MPP4: variants seen among roughly 807,000 people sequenced by gnomAD.
MPP4 encodes MAGUK p55 subfamily member 4.
A neutral mutation model predicts 98.3 loss-of-function variants in MPP4; 91 were observed. The observed-to-expected ratio is 0.93, with a 90% CI of 0.78 to 1.10. MPP4 has a LOEUF of 1.10. MPP4 is among the 50% of genes least tolerant of loss of function. The pLI, the probability that MPP4 is intolerant of heterozygous loss-of-function variation, is 0.00. For synonymous variants in MPP4, 261 were observed against 271.8 expected, an observed-to-expected ratio of 0.96 and a Z score of 0.39; for missense variants, 744 against 792.9, an observed-to-expected ratio of 0.94 and a Z score of 0.74.
Position 201,649,169 on chromosome 2 carries a change from C to T in MPP4, c.1584+407G>A, listed in dbSNP as rs147390076. The stretch of plus-strand genomic sequence containing the variant: ...TACGGATTGCATGCTGTTTATCTTA[C>T]CTTAACTTGCTCACCCCTGCTCCAT... On this transcript the variant is annotated intron_variant, in intron 20 of 21. Transcript: ENST00000409474. 2.4e-3 allele frequency among the ~76,000 whole-genome samples: 358 copies of T among 152,202 alleles called. 3 individuals carry two copies. In the South Asian group the frequency reaches 0.027, roughly 12 times the overall value.
At chr2:201,671,285 C>A (rs577318489) in intron 11 of MPP4, among the ~76,000 whole-genome samples, 11 of 152,248 alleles carry the variant, frequency 7.2e-5, no homozygotes, top group African/African-American at 2.4e-4. Context: ...CAGATCCCAC[C>A]CCCACGGAGC....
At chr2:201,683,610 G>A (rs1298952567) in intron 7 of MPP4, among the ~76,000 whole-genome samples, 1 of 152,044 alleles carries the variant, frequency 6.6e-6, no homozygotes, top group Non-Finnish European at 1.5e-5. Flanking sequence ...AAATTAGCTG[G>A]GGGTGGAGGT....
intron 11 of MPP4, among the ~76,000 whole-genome samples, chr2:201,671,221 G>A (rs537624088): frequency 6.6e-5 from 10 of 152,096 alleles, no homozygotes; most frequent in South Asian, 4.2e-4. Flanking sequence ...AGACAGAACC[G>A]TTTGCTCCCC....
At chr2:201,655,472 G>T (rs1687823247) in intron 17 of MPP4, among the ~76,000 whole-genome samples, 1 of 152,184 alleles carries the variant, frequency 6.6e-6, no homozygotes, top group Non-Finnish European at 1.5e-5. Context: ...ATTGCATCTT[G>T]AAATCTTTGA....
At chr2:201,647,516 TA>T (rs1172492453) in intron 21 of MPP4, among the ~76,000 whole-genome samples, 174 bp downstream of exon 21, 4 of 152,166 alleles carry the variant, frequency 2.6e-5, no homozygotes, top group African/African-American at 7.2e-5. Flanking sequence ...AATACAGTTT[TA>T]ATTTTTTTTT....
At chr2:201,651,187 A>G (rs111743697) in intron 18 of MPP4, 66 of 985,488 alleles carry the variant, frequency 6.7e-5, no homozygotes, top group Non-Finnish European at 7.6e-5. Context: ...GATGATATCA[A>G]TACATGGAAA....
intron 11 of MPP4, among the ~76,000 whole-genome samples, chr2:201,670,289 G>A (rs1688306448): frequency 6.6e-6 from 1 of 152,090 alleles, no homozygotes; most frequent in Non-Finnish European, 1.5e-5. Flanking sequence ...TTTGGGGGGA[G>A]GAGGGTATGA....
At position 201,645,031 on chromosome 2, in the gene MPP4, A is replaced by C; in HGVS notation, c.*179T>G. ...AGGTAAAGGAAAAAAAATTAAGTTA[A>C]AATAGGTAACCACATAACCATACAA... On this transcript the variant is annotated 3_prime_UTR_variant, in exon 22 of 22. Coordinates refer to ENST00000409474, the MANE Select transcript of MPP4 (RefSeq NM_033066.3). 1 of 454,582 alleles carries C rather than the reference A, an allele frequency of 2.2e-6. No homozygotes were observed. The highest frequency in any genetic ancestry group is 3.6e-6 in the Non-Finnish European group (1 of 276,254). The allele number at this position is 454,582 out of a possible 1,614,324, so 28.2% of individuals were successfully genotyped here. A position where few individuals can be genotyped will look rare whatever the true frequency, so the allele number is the denominator to read the frequency against.
At chr2:201,653,338 C>G (rs1297223584) in intron 18 of MPP4, among the ~76,000 whole-genome samples, 2 of 152,074 alleles carry the variant, frequency 1.3e-5, no homozygotes, top group Non-Finnish European at 2.9e-5. Context: ...AGTGGTTCCC[C>G]TAGGTTCCTC....
chr2:201,671,279 T>A (rs1458173449), intron 11 of MPP4, among the ~76,000 whole-genome samples: 2 of 152,124 alleles, frequency 1.3e-5, no homozygotes, highest in Non-Finnish European at 1.5e-5. Flanking sequence ...GCTCAGCAGA[T>A]CCCACCCCCA....
At position 201,692,816 on chromosome 2, in the gene MPP4, T is replaced by C. The variant is rs545874999; in HGVS notation, c.201+92A>G. 2.7e-5 allele frequency: 40 copies of C among 1,506,276 alleles called. No homozygotes were observed. In the African/African-American group the frequency reaches 4.3e-4, roughly 16 times the overall value. The allele number at this position is 1,506,276 out of a possible 1,614,324, so 93.3% of individuals were successfully genotyped here. On this transcript the variant is annotated intron_variant, in intron 3 of 21. Transcript: ENST00000409474. ...TTCTGTTGTTTATAAACTATTCCAC[T>C]ATCCAGCCTGAATGGACTGAAGCTG...
At position 201,682,869 on chromosome 2, in the gene MPP4, C is replaced by T. The variant is rs772808283; in HGVS notation, c.622G>A (p.Val208Ile). The change falls in exon 8 of 22, where the codon GTT (valine) becomes ATT (isoleucine). Residue 208 changes from valine (V) to isoleucine (I), a missense_variant. By Grantham distance (29) the Val-to-Ile change is conservative (BLOSUM62 3). Transcript: ENST00000409474. ...ACTTGTTCAGGGTCCAGTCCCTCAA[C>T]TGAAACTCCATTCACTTCTACCAGT... ...DKLVEVNGVS[V>I]EGLDPEQVIH... The T allele has an allele frequency of 1.1e-5, 18 of 1,613,876 alleles. No individual in the cohort carries two copies. In the South Asian group the frequency reaches 1.5e-4, roughly 14 times the overall value.
intron 16 of MPP4, 28 bp downstream of exon 16, chr2:201,658,449 A>G: frequency 1.3e-6 from 2 of 1,597,470 alleles, no homozygotes; most frequent in Non-Finnish European, 1.7e-6. Flanking sequence ...AGTGACAGAG[A>G]CCCACCTCTT....
intron 13 of MPP4, chr2:201,664,402 G>T: frequency 8.2e-6 from 9 of 1,091,864 alleles, no homozygotes; most frequent in Admixed American, 5.1e-5. Context: ...AGAGGGAAGG[G>T]GAAAGTGGAA....
intron 18 of MPP4, chr2:201,651,667 A>C (rs1687714737): frequency 1.0e-6 from 1 of 985,216 alleles, no homozygotes; most frequent in Non-Finnish European, 1.2e-6. Context: ...AAAAATGGTG[A>C]TTTTGGCCGG....
At position 201,687,361 on chromosome 2, in the gene MPP4, A is replaced by T; in HGVS notation, c.290T>A (p.Leu97Ter). The stretch of plus-strand genomic sequence containing the variant: ...AGGGGAAGTAGGGGTTTCACGTAAT[A>T]ACTCCACTACCTGGTTCATGGAAAA... ...AQVLSYEVVE[L>*]LRETPTSPEI... The change falls in exon 5 of 22, where the codon TTA (leucine) becomes TAA (stop). Residue 97 changes from leucine (L) to a stop codon, truncating the protein, a stop_gained. Transcript: ENST00000409474. LOFTEE classifies it high-confidence loss of function. 2 of 1,577,356 alleles carry T rather than the reference A, an allele frequency of 1.3e-6. No homozygotes were observed. Among genetic ancestry groups the T allele is most frequent in the Admixed American group, 3.6e-5 (2 of 55,104 alleles).
At chr2:201,672,213 A>G (rs1484820379) in intron 11 of MPP4, among the ~76,000 whole-genome samples, 1 of 152,224 alleles carries the variant, frequency 6.6e-6, no homozygotes, top group Non-Finnish European at 1.5e-5. Context: ...ACAAAGACAC[A>G]ATGTACCAGA....
At chr2:201,685,543 G>A (rs2540427) in intron 6 of MPP4, among the ~76,000 whole-genome samples, 136,624 of 152,262 alleles carry the variant, frequency 0.9, 61,503 homozygotes, top group Non-Finnish European at 0.94. Context: ...TAGAAAATCA[G>A]ATTAATGCCT....
chr2:201,692,650 A>T (rs1689069581), intron 3 of MPP4, among the ~76,000 whole-genome samples: 3 of 152,048 alleles, frequency 2.0e-5, no homozygotes, highest in Non-Finnish European at 4.4e-5. Context: ...ACCCCAAGAG[A>T]GCTGGCTAGC....
Sources: gnomAD v4.1 joint callset for allele counts (sites outside exome capture counted in the v4.1 genomes callset) on GRCh38, gnomAD v4.1.1 for gene constraint, MANE v1.5 for transcripts, NCBI Gene and HGNC (gene_info 2026-07-23, HGNC 2026-07-21) for gene names.